Variants in TBCEL observed in about 807,000 individuals in gnomAD.
TBCEL encodes tubulin folding cofactor E like, also known as tubulin-specific chaperone cofactor E-like protein.
In TBCEL, 15 loss-of-function variants were observed where a neutral mutation model predicts 44.2. The observed-to-expected ratio is 0.34, with a 90% confidence interval of 0.23 to 0.52. The LOEUF (loss-of-function observed/expected upper bound fraction) is 0.52, where lower values mean the gene tolerates loss of function less well. Ranked by LOEUF, TBCEL falls within the 20% of genes least tolerant of loss-of-function variation. The pLI, the probability that TBCEL is intolerant of heterozygous loss-of-function variation, is 0.95. For missense variants in TBCEL, 319 were observed against 506.3 expected, an observed-to-expected ratio of 0.63 and a Z score of 3.55; for synonymous variants, 171 against 185.4, an observed-to-expected ratio of 0.92 and a Z score of 0.63.
intron 1 of TBCEL, among the ~76,000 whole-genome samples, chr11:121,033,772 A>C (rs529262716): frequency 6.6e-6 from 1 of 152,228 alleles, no homozygotes; most frequent in East Asian, 1.9e-4. Flanking sequence ...TTCTTTTTCC[A>C]AACTGAAGCT....
chr11:121,071,420 A>AT (rs1945929840), intron 8 of TBCEL, among the ~76,000 whole-genome samples: 2 of 152,304 alleles, frequency 1.3e-5, no homozygotes, highest in South Asian at 4.1e-4. Flanking sequence ...AGACTTTAAA[A>AT]TTTTGCTTAT....
intron 2 of TBCEL, among the ~76,000 whole-genome samples, chr11:121,040,976 G>A (rs894043229): frequency 6.6e-6 from 1 of 152,074 alleles, no homozygotes; most frequent in Admixed American, 6.6e-5. Flanking sequence ...ATTTTTATAA[G>A]ATTTAAAATG....
Position 121,087,439 on chromosome 11 carries a change from C to T in TBCEL, c.*343C>T, listed in dbSNP as rs1381601123. The T allele has an allele frequency of 1.4e-5, 4 of 283,178 alleles. No individual in the cohort carries two copies. In the Admixed American group the frequency reaches 2.0e-4, roughly 14 times the overall value. 17.5% of individuals were successfully genotyped at this position (283,178 alleles called of 1,614,324 possible). A position where few individuals can be genotyped will look rare whatever the true frequency, so the allele number is the denominator to read the frequency against. On this transcript the variant is annotated 3_prime_UTR_variant, in exon 9 of 9. Transcript: ENST00000683345. ...CTGTTGGGTGAACCTGTGAAGATAA[C>T]ATGAACACTGTAGCCCCTTAGAAGG... is the stretch of plus-strand genomic sequence containing the variant.
intron 8 of TBCEL, among the ~76,000 whole-genome samples, chr11:121,060,765 C>T (rs910994088): frequency 2.6e-5 from 4 of 151,730 alleles, no homozygotes; most frequent in East Asian, 1.9e-4. Flanking sequence ...TAACTAGAAT[C>T]GGTTATTGGA....
intron 8 of TBCEL, among the ~76,000 whole-genome samples, chr11:121,063,007 A>G (rs909714514): frequency 3.9e-5 from 6 of 152,056 alleles, no homozygotes; most frequent in Non-Finnish European, 8.8e-5. Flanking sequence ...TGTGACTAGC[A>G]GTGTTGTTGG....
chr11:121,062,618 T>C (rs1222397197), intron 8 of TBCEL, among the ~76,000 whole-genome samples: 6 of 152,180 alleles, frequency 3.9e-5, no homozygotes, highest in African/African-American at 1.2e-4. Flanking sequence ...TCCCTGATGG[T>C]ATAATTATCC....
At chr11:121,051,066 T>C (rs115629629) in intron 4 of TBCEL, among the ~76,000 whole-genome samples, 1 of 151,760 alleles carries the variant, frequency 6.6e-6, no homozygotes, top group African/African-American at 2.4e-5. Flanking sequence ...AAAAAAACCT[T>C]TTTTATTTTA....
chr11:121,046,992 C>T (rs917333189), intron 3 of TBCEL, among the ~76,000 whole-genome samples: 1 of 151,902 alleles, frequency 6.6e-6, no homozygotes. Flanking sequence ...TGAATGGATC[C>T]ACTTAAGTGA....
intron 3 of TBCEL, among the ~76,000 whole-genome samples, chr11:121,046,648 A>G (rs1007019401): frequency 7.9e-5 from 12 of 152,064 alleles, no homozygotes; most frequent in Non-Finnish European, 1.5e-4. Flanking sequence ...TAGCAAGTTG[A>G]AAACCATGTA....
At chr11:121,081,608 A>C (rs895780837) in intron 8 of TBCEL, among the ~76,000 whole-genome samples, 2 of 152,262 alleles carry the variant, frequency 1.3e-5, no homozygotes, top group Non-Finnish European at 2.9e-5. Flanking sequence ...CAATGCATGC[A>C]GTATAGTTCA....
At chr11:121,061,491 T>A (rs1945721090) in intron 8 of TBCEL, among the ~76,000 whole-genome samples, 2 of 152,010 alleles carry the variant, frequency 1.3e-5, no homozygotes, top group Admixed American at 1.3e-4. Flanking sequence ...ATTAGGTGAT[T>A]TTATGTTGCA....
intron 8 of TBCEL, among the ~76,000 whole-genome samples, chr11:121,064,320 A>G (rs1945778410): frequency 6.6e-6 from 1 of 152,218 alleles, no homozygotes; most frequent in Non-Finnish European, 1.5e-5. Flanking sequence ...GAAGAGTTAA[A>G]TGGGAATATG....
rs1230439416 is a variant in TBCEL, at chr11:121,087,094, T to A, written c.1273T>A (p.Ter425LysextTer6). The change falls in exon 9 of 9, where the codon TAA (stop) becomes AAA (lysine). Residue 425 changes from the stop codon to lysine (K), a stop_lost. Coordinates refer to ENST00000683345, the MANE Select transcript of TBCEL (RefSeq NM_001363644.2). The stretch of plus-strand genomic sequence containing the variant: ...AATTTACGTGGAATCCAAAACAAAA[T>A]AACCTCTACCAGCCTTGTGAAAAAC... Reference protein sequence around the residue: ...DKIYVESKTK* With the variant: ...DKIYVESKTKK The A allele has an allele frequency of 6.2e-7, 1 of 1,612,280 alleles. No individual in the cohort carries two copies. Among genetic ancestry groups the A allele is most frequent in the Non-Finnish European group, 8.5e-7 (1 of 1,179,256 alleles).
chr11:121,030,838 G>T (rs1945129575), intron 1 of TBCEL, among the ~76,000 whole-genome samples: 1 of 149,232 alleles, frequency 6.7e-6, no homozygotes, highest in Non-Finnish European at 1.5e-5. Context: ...TTAAAATTTT[G>T]TATAAATGGA....
chr11:121,033,895 A>G (rs1192448933), intron 1 of TBCEL, among the ~76,000 whole-genome samples: 1 of 151,510 alleles, frequency 6.6e-6, no homozygotes, highest in Non-Finnish European at 1.5e-5. Flanking sequence ...AAGTGGAATC[A>G]TACACGATTT....
intron 1 of TBCEL, among the ~76,000 whole-genome samples, chr11:121,030,887 T>A (rs982911812): frequency 2.7e-5 from 4 of 146,984 alleles, no homozygotes; most frequent in African/African-American, 1.0e-4. Context: ...TTTTTTTTTT[T>A]ACCCATTCAG....
rs1432039051 is a variant in TBCEL at position 121,030,316 on chromosome 11, G to C, written c.-126+6025G>C. 4.6e-5 allele frequency among the ~76,000 whole-genome samples: 7 copies of C among 152,276 alleles called. No individual in the cohort carries two copies. The East Asian group carries it at 1.4e-3, about 29-fold the overall frequency. ...AGTGATCAGATTAAATGAATCCTTGGCGACCATGATGAAGAGATTGGATTT... is the reference window on the plus strand; with the variant it reads ...AGTGATCAGATTAAATGAATCCTTGCCGACCATGATGAAGAGATTGGATTT... On this transcript the variant is annotated intron_variant, in intron 1 of 8. Transcript: ENST00000683345.
intron 8 of TBCEL, among the ~76,000 whole-genome samples, chr11:121,075,148 G>T (rs1946010517): frequency 6.6e-6 from 1 of 151,940 alleles, no homozygotes; most frequent in Non-Finnish European, 1.5e-5. Flanking sequence ...ATGAATTAAA[G>T]CTTACTATAT....
chr11:121,057,651 T>G, intron 6 of TBCEL: 1 of 453,380 alleles, frequency 2.2e-6, no homozygotes, highest in South Asian at 1.6e-5. Context: ...CAGACTTTTT[T>G]CTTGTCATTA....
Sources: allele counts gnomAD v4.1 joint callset (sites outside exome capture counted in the v4.1 genomes callset), GRCh38; gene constraint gnomAD v4.1.1; transcripts MANE v1.5; gene names NCBI Gene and HGNC (gene_info 2026-07-23, HGNC 2026-07-21).